Variants in CNTNAP2 observed in about 807,000 individuals in gnomAD.
The protein encoded by CNTNAP2 is contactin associated protein 2.
A neutral mutation model predicts 155.2 loss-of-function variants in CNTNAP2; 98 were observed. The observed-to-expected ratio is 0.63, with a 90% confidence interval of 0.54 to 0.75. The LOEUF is 0.75. Ranked by LOEUF, CNTNAP2 falls within the 30% of genes least tolerant of loss-of-function variation. The pLI, the probability that CNTNAP2 is intolerant of heterozygous loss-of-function variation, is 0.00. For synonymous variants in CNTNAP2, 651 were observed against 631.2 expected, an observed-to-expected ratio of 1.03 and a Z score of -0.47; for missense variants, 1,727 against 1,688.1, an observed-to-expected ratio of 1.02 and a Z score of -0.40.
chr7:147,496,048 C>G (rs1029694759), intron 11 of CNTNAP2, among the ~76,000 whole-genome samples: 1 of 152,204 alleles, frequency 6.6e-6, no homozygotes, highest in Non-Finnish European at 1.5e-5. Flanking sequence ...TGATCTGCCA[C>G]TGTTTCCCAT....
chr7:147,927,145 T>C (rs536187702), intron 14 of CNTNAP2, among the ~76,000 whole-genome samples: 15 of 152,286 alleles, frequency 9.8e-5, no homozygotes, highest in African/African-American at 3.6e-4. Context: ...TCTATTTAGT[T>C]GTAGAATGAT....
intron 11 of CNTNAP2, among the ~76,000 whole-genome samples, chr7:147,487,444 A>G (rs1434412640): frequency 6.6e-6 from 1 of 152,228 alleles, no homozygotes; most frequent in African/African-American, 2.4e-5. Flanking sequence ...ATTAAATATA[A>G]CGTGATGCTA....
chr7:148,030,951 G>C (rs549888719), intron 15 of CNTNAP2, among the ~76,000 whole-genome samples: 1 of 152,256 alleles, frequency 6.6e-6, no homozygotes, highest in East Asian at 1.9e-4. Flanking sequence ...AAATGGCAGA[G>C]AGACTTTCTT....
intron 3 of CNTNAP2, among the ~76,000 whole-genome samples, chr7:146,946,444 T>TA (rs1326604879): frequency 2.6e-5 from 4 of 152,144 alleles, no homozygotes; most frequent in African/African-American, 7.2e-5. Context: ...ATAAAGTAAG[T>TA]AAAAAATCTT....
At chr7:148,041,120 A>T (rs770559291) in intron 15 of CNTNAP2, among the ~76,000 whole-genome samples, 36 of 152,354 alleles carry the variant, frequency 2.4e-4, no homozygotes, top group Non-Finnish European at 4.4e-4. Context: ...TGAAAACAAG[A>T]TTGACACTAC....
chr7:146,723,286 A>G (rs1035844305), intron 1 of CNTNAP2, among the ~76,000 whole-genome samples: 3 of 152,122 alleles, frequency 2.0e-5, no homozygotes, highest in Non-Finnish European at 4.4e-5. Flanking sequence ...ACCAGAAGCT[A>G]GAAGGGGACA....
In CNTNAP2 at chr7:148,059,078, C is replaced by T. The variant is rs117485805; in HGVS notation, c.2384-59040C>T. Among the ~76,000 whole-genome samples, 1,227 of 151,702 alleles carry T rather than the reference C, an allele frequency of 8.1e-3. 9 individuals are homozygous for T. The highest frequency in any genetic ancestry group is 0.017 in the Middle Eastern group (5 of 294). ...GGCGGATCACTTGAGGTCAGGAATTCGAGACCAACCTGGCCAATGTGATGA... is the reference window on the plus strand; with the variant it reads ...GGCGGATCACTTGAGGTCAGGAATTTGAGACCAACCTGGCCAATGTGATGA... On this transcript the variant is annotated intron_variant, in intron 15 of 23. Transcript: ENST00000361727.
At chr7:147,409,989 A>G (rs1251059702) in intron 10 of CNTNAP2, among the ~76,000 whole-genome samples, 1 of 152,196 alleles carries the variant, frequency 6.6e-6, no homozygotes, top group Non-Finnish European at 1.5e-5. Context: ...GTGGAATACA[A>G]TGTGGTAATT....
chr7:147,263,638 T>C (rs1480433086), intron 8 of CNTNAP2, among the ~76,000 whole-genome samples: 2 of 152,232 alleles, frequency 1.3e-5, no homozygotes, highest in Non-Finnish European at 2.9e-5. Context: ...GGTTACAGTA[T>C]ATGATTTCAG....
chr7:147,182,219 A>G (rs1802475651), intron 8 of CNTNAP2, among the ~76,000 whole-genome samples: 1 of 152,056 alleles, frequency 6.6e-6, no homozygotes, highest in Admixed American at 6.6e-5. Context: ...AAGCCTGTTA[A>G]CTCTAATTAA....
At chr7:146,865,008 A>G (rs965934062) in intron 3 of CNTNAP2, among the ~76,000 whole-genome samples, 14 of 151,234 alleles carry the variant, frequency 9.3e-5, no homozygotes, top group Non-Finnish European at 1.8e-4. Context: ...AAAAAAAAAA[A>G]AAAAGTATAA....
chr7:148,341,406 G>A (rs1191055895), intron 21 of CNTNAP2, among the ~76,000 whole-genome samples: 1 of 151,986 alleles, frequency 6.6e-6, no homozygotes, highest in East Asian at 1.9e-4. Flanking sequence ...CTGAAAGTTG[G>A]TAATAGAACC....
chr7:147,083,270 T>C (rs1373087365), intron 4 of CNTNAP2: 5 of 152,008 alleles, frequency 3.3e-5, no homozygotes, highest in African/African-American at 9.7e-5. Context: ...GAAATGGATG[T>C]TAGGTCGGCA....
chr7:148,099,981 T>A (rs1430242564), intron 15 of CNTNAP2, among the ~76,000 whole-genome samples: 1 of 148,602 alleles, frequency 6.7e-6, no homozygotes, highest in Non-Finnish European at 1.5e-5. Context: ...TAAGCAATTC[T>A]CTGCCTCAGC....
chr7:146,503,812 G>T (rs1797341131), intron 1 of CNTNAP2, among the ~76,000 whole-genome samples: 1 of 152,230 alleles, frequency 6.6e-6, no homozygotes, highest in Non-Finnish European at 1.5e-5. Context: ...TTTTATGCCA[G>T]TACTATGTTG....
intron 10 of CNTNAP2, among the ~76,000 whole-genome samples, chr7:147,435,695 G>A (rs1223084306): frequency 6.6e-6 from 1 of 152,144 alleles, no homozygotes; most frequent in Admixed American, 6.5e-5. Context: ...TGGGTGTGGT[G>A]CCGAGCTCCT....
intron 17 of CNTNAP2, among the ~76,000 whole-genome samples, chr7:148,154,966 G>T (rs1805371181): frequency 6.6e-6 from 1 of 151,718 alleles, no homozygotes; most frequent in South Asian, 2.1e-4. Context: ...ATCTCAAATT[G>T]CAGGAATTAT....
chr7:147,918,797 C>T (rs931180572), intron 14 of CNTNAP2, among the ~76,000 whole-genome samples: 1 of 152,194 alleles, frequency 6.6e-6, no homozygotes, highest in African/African-American at 2.4e-5. Flanking sequence ...TTGTCCCTGT[C>T]AGCCCTGGGA....
intron 1 of CNTNAP2, among the ~76,000 whole-genome samples, chr7:146,157,364 C>G (rs1185038825): frequency 6.6e-6 from 1 of 152,182 alleles, no homozygotes; most frequent in Non-Finnish European, 1.5e-5. Context: ...TTCTGCATTT[C>G]CAGCTGAAGT....
Sources: gnomAD v4.1 joint callset for allele counts (sites outside exome capture counted in the v4.1 genomes callset) on GRCh38, gnomAD v4.1.1 for gene constraint, MANE v1.5 for transcripts, NCBI Gene and HGNC (gene_info 2026-07-23, HGNC 2026-07-21) for gene names.